EPHB2: variants seen among roughly 807,000 people sequenced by gnomAD.
EPHB2 encodes the protein ephrin type-B receptor 2.
Under a neutral mutation model 96.4 loss-of-function variants are expected in EPHB2, and 18 were observed. The ratio of observed to expected loss-of-function variants is 0.19; its 90% CI spans 0.13 to 0.28. The LOEUF is 0.28. Among genes scored for constraint, EPHB2 ranks in the 10% least tolerant of loss-of-function variants. The pLI is 1.00. For synonymous variants in EPHB2, 506 were observed against 534.1 expected (o/e 0.95, Z 0.72); for missense variants, 989 against 1,355.4 (o/e 0.73, Z 4.25).
chr1:22,800,288 G>A (rs1268088595), intron 3 of EPHB2: 1 of 152,274 alleles, frequency 6.6e-6, no homozygotes, highest in Non-Finnish European at 1.5e-5. Context: ...GGATCTATGG[G>A]CATGTACGTA....
Position 22,784,858 on chromosome 1 carries a change from C to T in EPHB2, c.593C>T (p.Pro198Leu). Residue 198 changes from proline (P) to leucine (L), a missense_variant, in exon 3 of 16, where the codon CCC becomes CTC. Coordinates refer to ENST00000374630, the MANE Select transcript of EPHB2 (RefSeq NM_017449.5). This position sits in a 1 kb window ranked among gnomAD's most constrained non-coding sequence, Gnocchi z 5.1. Reference sequence around the variant, plus strand: ...GTGCGTGTCTTCTACCGCAAGTGCCCCCGCATCATCCAGAATGGCGCCATC... The same window carrying T: ...GTGCGTGTCTTCTACCGCAAGTGCCTCCGCATCATCCAGAATGGCGCCATC... ...IAVRVFYRKC[P>L]RIIQNGAIFQ... 1 of 1,611,884 alleles carries T rather than the reference C, an allele frequency of 6.2e-7. No homozygotes were observed. The highest frequency in any genetic ancestry group is 8.5e-7 in the Non-Finnish European group (1 of 1,178,748).
rs1442886992 is a variant in EPHB2, at chr1:22,860,568, G to A, written c.812-2469G>A. On this transcript the variant is annotated intron_variant, in intron 3 of 15. Coordinates refer to ENST00000374630, the MANE Select transcript of EPHB2 (RefSeq NM_017449.5). This position sits in a 1 kb window ranked among gnomAD's most constrained non-coding sequence, Gnocchi z 4.6. ...GCCAGAAAGGCAGTCCAGATGGAGA[G>A]GCTGGCACCGCACAGAGGGGAGAGA... Among the ~76,000 whole-genome samples, 1 of 152,122 alleles carries A rather than the reference G, an allele frequency of 6.6e-6. No individual in the cohort carries two copies. Among genetic ancestry groups the A allele is most frequent in the African/African-American group, 2.4e-5 (1 of 41,422 alleles).
chr1:22,807,826 A>C (rs1041404450), intron 3 of EPHB2, among the ~76,000 whole-genome samples: 24 of 152,246 alleles, frequency 1.6e-4, no homozygotes, highest in Non-Finnish European at 2.5e-4. Context: ...GCCAAAGGCC[A>C]GGGGCATAAA....
Position 22,915,166 on chromosome 1 carries a change from C to T in EPHB2, c.*1596C>T, listed in dbSNP as rs894441545. On this transcript the variant is annotated 3_prime_UTR_variant, in exon 16 of 16. Transcript: ENST00000374630. The stretch of plus-strand genomic sequence containing the variant: ...AAAGTGTGTGATTTCTCTCCCACCT[C>T]CTTCCCCCCACCAGACCTTTGCTGG... 1 of 152,430 alleles carries T rather than the reference C, an allele frequency of 6.6e-6. No individual in the cohort carries two copies. Among genetic ancestry groups the T allele is most frequent in the Non-Finnish European group, 1.5e-5 (1 of 68,060 alleles). 9.4% of individuals were successfully genotyped at this position (152,430 alleles called of 1,614,324 possible).
At chr1:22,820,387 G>A (rs866429331) in intron 3 of EPHB2, among the ~76,000 whole-genome samples, 13 of 152,202 alleles carry the variant, frequency 8.5e-5, no homozygotes, top group Admixed American at 2.6e-4. Context: ...ATTGCTGAGC[G>A]CGGTGGCTCA....
chr1:22,870,898 G>A (rs192930165), intron 5 of EPHB2, among the ~76,000 whole-genome samples: 1 of 152,298 alleles, frequency 6.6e-6, no homozygotes, highest in African/African-American at 2.4e-5. Flanking sequence ...GGATAGCTTC[G>A]CCCTCTCCTT....
At chr1:22,726,913 G>A (rs1643593946) in intron 1 of EPHB2, among the ~76,000 whole-genome samples, 1 of 152,164 alleles carries the variant, frequency 6.6e-6, no homozygotes. Flanking sequence ...ATACATAGTA[G>A]ATGGAAAGAA....
chr1:22,712,040 T>C (rs1643163859), intron 1 of EPHB2, among the ~76,000 whole-genome samples: 1 of 152,190 alleles, frequency 6.6e-6, no homozygotes, highest in South Asian at 2.1e-4. Flanking sequence ...CAAACCACTT[T>C]ACAGTTTATG....
intron 1 of EPHB2, among the ~76,000 whole-genome samples, chr1:22,715,519 GT>G (rs1643270811): frequency 6.6e-6 from 1 of 152,146 alleles, no homozygotes; most frequent in Non-Finnish European, 1.5e-5. Flanking sequence ...TTTGGAATTG[GT>G]TTTCCTTTTA....
In EPHB2 at chr1:22,716,506, G is replaced by A. The variant is rs557891449; in HGVS notation, c.61+5463G>A. 1.2e-3 allele frequency among the ~76,000 whole-genome samples: 185 copies of A among 152,122 alleles called. 1 individual carries two copies. Among genetic ancestry groups the A allele is most frequent in the African/African-American group, 4.2e-3 (173 of 41,520 alleles). On this transcript the variant is annotated intron_variant, in intron 1 of 15. Transcript: ENST00000374630. ...GCCACTACACCCGGCTAATTTTTTT[G>A]CATTTTTAGTGGAGACGGGGCGGGG...
At chr1:22,903,955 A>G (rs890341295) in intron 9 of EPHB2, among the ~76,000 whole-genome samples, 1 of 152,168 alleles carries the variant, frequency 6.6e-6, no homozygotes, top group Non-Finnish European at 1.5e-5. Flanking sequence ...TTTGGAGCCT[A>G]TGGCCAGAAA....
intron 3 of EPHB2, among the ~76,000 whole-genome samples, chr1:22,853,932 G>A (rs1199442795): frequency 6.6e-6 from 1 of 152,258 alleles, no homozygotes; most frequent in Non-Finnish European, 1.5e-5. Context: ...GCATGCTCAT[G>A]CAGCTACCCA....
intron 3 of EPHB2, among the ~76,000 whole-genome samples, chr1:22,839,743 G>T (rs945495034): frequency 1.3e-5 from 2 of 152,130 alleles, no homozygotes; most frequent in Non-Finnish European, 2.9e-5. Context: ...AGAAGGCATC[G>T]TAGCAGGGCC....
chr1:22,817,825 G>A (rs1570332518), intron 3 of EPHB2, among the ~76,000 whole-genome samples: 1 of 152,170 alleles, frequency 6.6e-6, no homozygotes, highest in Non-Finnish European at 1.5e-5. Flanking sequence ...ACTGCCCATC[G>A]GCTAGGGGCC....
intron 14 of EPHB2, 145 bp from the exon 15 acceptor site, chr1:22,912,299 T>A: frequency 8.6e-7 from 1 of 1,162,364 alleles, no homozygotes; most frequent in South Asian, 1.4e-5. Flanking sequence ...CATGCAGAAA[T>A]ACTCACGTAC....
chr1:22,798,052 G>C (rs1644792167), intron 3 of EPHB2, among the ~76,000 whole-genome samples: 1 of 152,146 alleles, frequency 6.6e-6, no homozygotes, highest in South Asian at 2.1e-4. Context: ...TTCCCCAACT[G>C]CCTGTCTTTC....
chr1:22,859,229 G>A (rs1452214180), intron 3 of EPHB2, among the ~76,000 whole-genome samples: 2 of 151,414 alleles, frequency 1.3e-5, no homozygotes, highest in African/African-American at 4.9e-5. Flanking sequence ...TTTGCCTGAT[G>A]GTGAAGGGAA....
In EPHB2 at chr1:22,727,181, G is replaced by A. The variant is rs139961086; in HGVS notation, c.61+16138G>A. The stretch of plus-strand genomic sequence containing the variant: ...GGGAGGAGGATCCAGAGCAGGGAGA[G>A]GCAAGCTGGAGGCCAGGAGGGGCTA... On this transcript the variant is annotated intron_variant, in intron 1 of 15. Coordinates refer to ENST00000374630, the MANE Select transcript of EPHB2 (RefSeq NM_017449.5). Among the ~76,000 whole-genome samples, 55 of 152,360 alleles carry A rather than the reference G, an allele frequency of 3.6e-4. No homozygotes were observed. The East Asian group carries it at 0.01, about 28-fold the overall frequency.
In EPHB2 at chr1:22,917,090, C is replaced by T. The variant is rs944558891; in HGVS notation, c.*3520C>T. On this transcript the variant is annotated 3_prime_UTR_variant, in exon 16 of 16. Coordinates refer to ENST00000374630, the MANE Select transcript of EPHB2 (RefSeq NM_017449.5). ...ACACTTAAGGGACTCAGGGCTATGG[C>T]TGTTTACTAACCAGCAGTGCCTCTT... The T allele has an allele frequency of 6.6e-6, 1 of 152,296 alleles. No individual in the cohort carries two copies. The highest frequency in any genetic ancestry group is 2.4e-5 in the African/African-American group (1 of 41,442). The allele number at this position is 152,296 out of a possible 1,614,324, so 9.4% of individuals were successfully genotyped here. A position where few individuals can be genotyped will look rare whatever the true frequency, so the allele number is the denominator to read the frequency against.
Sources: gnomAD v4.1 joint callset for allele counts (sites outside exome capture counted in the v4.1 genomes callset) on GRCh38, gnomAD v4.1.1 for gene constraint, Gnocchi (gnomAD v3.1) non-coding constraint, MANE v1.5 for transcripts, NCBI Gene and HGNC (gene_info 2026-07-23, HGNC 2026-07-21) for gene names.